The following SLX9 variants were observed in gnomAD, a reference collection of about 807,000 sequenced individuals.
The protein encoded by SLX9 is ribosome biogenesis protein SLX9 homolog.
SLX9 carries 19 observed loss-of-function variants against 20.8 expected under a neutral mutation model. The observed-to-expected ratio is 0.91, with a 90% CI of 0.64 to 1.34. The LOEUF is 1.34. Among genes scored for constraint, SLX9 ranks in the 40% most tolerant of loss-of-function variants. The probability of loss-of-function intolerance (pLI) is 0.00; values close to 1 mark genes in which losing one functional copy is unlikely to be tolerated. For missense variants in SLX9, 299 were observed against 322.2 expected (o/e 0.93, Z 0.55); for synonymous variants, 113 against 137.1 (o/e 0.82, Z 1.23).
chr21:44,943,822 C>G lies in SLX9; in HGVS notation c.268C>G (p.Pro90Ala). The change falls in exon 2 of 6, where the codon CCT becomes GCT. Residue 90 changes from proline (P) to alanine (A), a missense_variant. Pro to Ala is a conservative substitution (Grantham distance 27). Transcript: ENST00000291634. The part of the protein sequence containing the change: ...GEAGSSARSV[P>A]SIRRGAEAKT... ...GGCAGGCTCGAGTGCACGGAGCGTC[C>G]CTTCCATCAGGAGAGGTGAGGCAGG... 1.2e-6 allele frequency: 2 copies of G among 1,612,916 alleles called. No individual in the cohort carries two copies. Among genetic ancestry groups the G allele is most frequent in the Non-Finnish European group, 8.5e-7 (1 of 1,179,922 alleles).
rs1352538138 is a variant in SLX9, at chr21:44,952,448, T to A, written c.284-7652T>A. ...GTGTGTGGCCTGATCACCTTGGGCC[T>A]GGCCTGGGGATTCCCGGGGCCGCCT... is the stretch of plus-strand genomic sequence containing the variant. On this transcript the variant is annotated intron_variant, in intron 2 of 5. Coordinates refer to ENST00000291634, the MANE Select transcript of SLX9 (RefSeq NM_058190.4). Among the ~76,000 whole-genome samples the A allele has an allele frequency of 3.9e-5, 6 of 152,390 alleles. No homozygotes were observed. The South Asian group carries it at 1.2e-3, about 32-fold the overall frequency.
intron 2 of SLX9, among the ~76,000 whole-genome samples, chr21:44,949,192 G>C (rs1417151324): frequency 6.6e-6 from 1 of 152,198 alleles, no homozygotes; most frequent in Non-Finnish European, 1.5e-5. Flanking sequence ...CCCCGACTTG[G>C]CTGCTGCTTG....
rs1601424153 is a variant in SLX9, at chr21:44,972,637, G to T, written c.501-560G>T. Among the ~76,000 whole-genome samples, 4 of 152,350 alleles carry T rather than the reference G, an allele frequency of 2.6e-5. No individual in the cohort carries two copies. In the Middle Eastern group the frequency reaches 0.014, roughly 518 times the overall value. The stretch of plus-strand genomic sequence containing the variant: ...CCAAGTTCAGTCATCAGGAGGGCAG[G>T]TGCAGCTTCCCACTGTAGCACAGCG... On this transcript the variant is annotated intron_variant, in intron 4 of 5. Coordinates refer to ENST00000291634, the MANE Select transcript of SLX9 (RefSeq NM_058190.4).
chr21:44,941,509 A>G (rs9982208), intron 1 of SLX9, among the ~76,000 whole-genome samples: 1,818 of 150,666 alleles, frequency 0.012, 36 homozygotes, highest in African/African-American at 0.041. Context: ...GGATCTGCTT[A>G]AGCTCCTCAC....
In SLX9 at chr21:44,967,106, G is replaced by A; in HGVS notation, c.425G>A (p.Gly142Glu). 1 of 1,611,306 alleles carries A rather than the reference G, an allele frequency of 6.2e-7. No individual in the cohort carries two copies. The highest frequency in any genetic ancestry group is 8.5e-7 in the Non-Finnish European group (1 of 1,179,462). The part of the protein sequence containing the change: ...ERRRRATVVV[G>E]DLHPLRDALP... ...AGGCGGAGGGCCACGGTGGTGGTGG[G>A]GGACCTGCACCCTCTCAGGGATGCC... The change falls in exon 4 of 6, where the codon GGG (glycine) becomes GAG (glutamate). Residue 142 changes from glycine (G) to glutamate (E), a missense_variant. By Grantham distance (98) the Gly-to-Glu change is moderately conservative (BLOSUM62 -2). Coordinates refer to ENST00000291634, the MANE Select transcript of SLX9 (RefSeq NM_058190.4).
At chr21:44,971,634 G>A (rs983430421) in intron 4 of SLX9, among the ~76,000 whole-genome samples, 1 of 56,400 alleles carries the variant, frequency 1.8e-5, no homozygotes, top group African/African-American at 8.1e-5. Context: ...TCCTGGACCC[G>A]GGCTCAGGTC....
intron 2 of SLX9, 148 bp from the exon 3 acceptor site, chr21:44,959,952 A>G (rs2084924790): frequency 1.4e-6 from 1 of 695,840 alleles, no homozygotes; most frequent in Admixed American, 2.1e-5. Context: ...GGTGCTGTCC[A>G]GAGCCGGGAG....
rs143686995 is a variant in SLX9 at position 44,973,246 on chromosome 21, G to A, written c.550G>A (p.Ala184Thr). 18 of 1,612,666 alleles carry A rather than the reference G, an allele frequency of 1.1e-5. No homozygotes were observed. In the African/African-American group the frequency reaches 2.0e-4, roughly 18 times the overall value. The part of the protein sequence containing the change: ...RPSELSRMSA[A>T]QRQQLLEEER... Reference sequence around the variant, plus strand: ...CTCAGAGCTCAGCCGGATGAGCGCAGCCCAGAGACAGCAGCTTCTGTGAGT... The same window carrying A: ...CTCAGAGCTCAGCCGGATGAGCGCAACCCAGAGACAGCAGCTTCTGTGAGT... Residue 184 changes from alanine (A) to threonine (T), a missense_variant, in exon 5 of 6, where the codon GCC becomes ACC. Coordinates refer to ENST00000291634, the MANE Select transcript of SLX9 (RefSeq NM_058190.4).
At chr21:44,976,621 T>G in intron 5 of SLX9, 59 bp from the exon 6 acceptor site, 2 of 1,542,756 alleles carry the variant, frequency 1.3e-6, no homozygotes, top group Non-Finnish European at 8.8e-7. Flanking sequence ...TTCCGGGTGT[T>G]GAGGGGCTGA....
At chr21:44,957,357 C>T (rs537474222) in intron 2 of SLX9, among the ~76,000 whole-genome samples, 2 of 152,336 alleles carry the variant, frequency 1.3e-5, no homozygotes, top group East Asian at 1.9e-4. Context: ...AGTCCCCACA[C>T]GCTGCTCGTG....
intron 4 of SLX9, among the ~76,000 whole-genome samples, chr21:44,967,835 C>T (rs145389045): frequency 1.8e-4 from 28 of 152,286 alleles, no homozygotes; most frequent in Non-Finnish European, 3.1e-4. Flanking sequence ...CCAGGAGGGA[C>T]GGGGCCTGAT....
At chr21:44,967,676 C>T (rs1190450891) in intron 4 of SLX9, among the ~76,000 whole-genome samples, 1 of 152,218 alleles carries the variant, frequency 6.6e-6, no homozygotes, top group African/African-American at 2.4e-5. Flanking sequence ...TGTCCTGCCC[C>T]TCACTCTGTC....
At chr21:44,965,793 T>G (rs1197836729) in intron 3 of SLX9, among the ~76,000 whole-genome samples, 2 of 152,128 alleles carry the variant, frequency 1.3e-5, no homozygotes, top group Non-Finnish European at 2.9e-5. Context: ...TGCCTCTGCT[T>G]TGCTTTTCCT....
At chr21:44,975,863 C>A (rs191250578) in intron 5 of SLX9, among the ~76,000 whole-genome samples, 4 of 152,372 alleles carry the variant, frequency 2.6e-5, no homozygotes, top group Non-Finnish European at 4.4e-5. Context: ...TGTGTGGGCA[C>A]CCCGCCCAGG....
intron 2 of SLX9, among the ~76,000 whole-genome samples, chr21:44,944,153 G>A (rs191169414): frequency 2.0e-5 from 3 of 152,300 alleles, no homozygotes; most frequent in African/African-American, 7.2e-5. Context: ...TGATTCTTTC[G>A]GTCTGTCTGT....
chr21:44,966,891 CA>C (rs2085045690), intron 3 of SLX9, 142 bp from the exon 4 acceptor site: 14 of 1,067,652 alleles, frequency 1.3e-5, no homozygotes, highest in Non-Finnish European at 1.9e-5. Context: ...TGCAGGTTCC[CA>C]GGGGCGGAAT....
chr21:44,975,695 C>T (rs1198346600), intron 5 of SLX9, among the ~76,000 whole-genome samples: 1 of 152,270 alleles, frequency 6.6e-6, no homozygotes, highest in African/African-American at 2.4e-5. Context: ...CAGGCTGTGA[C>T]TGGGGCATTT....
intron 4 of SLX9, among the ~76,000 whole-genome samples, chr21:44,972,544 C>A (rs1049625853): frequency 6.6e-6 from 1 of 152,188 alleles, no homozygotes; most frequent in Non-Finnish European, 1.5e-5. Context: ...TGGGGGACTG[C>A]AGTGCTCGTT....
chr21:44,963,721 A>G (rs966254210), intron 3 of SLX9, among the ~76,000 whole-genome samples: 2 of 152,212 alleles, frequency 1.3e-5, no homozygotes, highest in Non-Finnish European at 2.9e-5. Flanking sequence ...AGAAAGTCTC[A>G]TAAGTGTGGA....
Sources: gnomAD v4.1 joint callset for allele counts (sites outside exome capture counted in the v4.1 genomes callset) on GRCh38, gnomAD v4.1.1 for gene constraint, MANE v1.5 for transcripts, NCBI Gene and HGNC (gene_info 2026-07-23, HGNC 2026-07-21) for gene names.